SYNJ2: variants seen among roughly 807,000 people sequenced by gnomAD.
SYNJ2 encodes polyphosphatidylinositol phosphatase SYNJ2.
A neutral mutation model predicts 141.3 loss-of-function variants in SYNJ2; 116 were observed. The ratio of observed to expected loss-of-function variants is 0.82; its 90% CI spans 0.71 to 0.96. The LOEUF (loss-of-function observed/expected upper bound fraction) is 0.96. SYNJ2 is among the 40% of genes least tolerant of loss of function. SYNJ2 has a pLI of 0.00. For missense variants in SYNJ2, 1,873 were observed against 1,934.8 expected (o/e 0.97, Z 0.60); for synonymous variants, 745 against 777.7 (o/e 0.96, Z 0.70).
At chr6:158,017,374 C>T in intron 2 of SYNJ2, 84 bp downstream of exon 2, 4 of 1,341,408 alleles carry the variant, frequency 3.0e-6, no homozygotes. Flanking sequence ...TCAGTGCAGG[C>T]ATTCTGTTTG....
intron 1 of SYNJ2, among the ~76,000 whole-genome samples, chr6:157,990,337 TC>T (rs1777374889): frequency 6.6e-6 from 1 of 152,072 alleles, no homozygotes; most frequent in South Asian, 2.1e-4. Context: ...TGCCTTCTTC[TC>T]CTTCTCCTTG....
intron 1 of SYNJ2, among the ~76,000 whole-genome samples, chr6:158,014,887 G>T (rs1286882078): frequency 6.6e-6 from 1 of 152,226 alleles, no homozygotes; most frequent in East Asian, 1.9e-4. Context: ...GAGCTTCAGA[G>T]GGGAGGATGG....
intron 25 of SYNJ2, among the ~76,000 whole-genome samples, chr6:158,090,542 G>GTTTTTTT (rs58356198): frequency 1.1e-4 from 13 of 113,916 alleles, no homozygotes; most frequent in Admixed American, 2.1e-4. Flanking sequence ...TTTTTTTTTT[G>GTTTTTTT]TTTTTTTTTT....
At chr6:158,091,930 A>G (rs1319968813) in intron 25 of SYNJ2, among the ~76,000 whole-genome samples, 1 of 152,018 alleles carries the variant, frequency 6.6e-6, no homozygotes, top group Non-Finnish European at 1.5e-5. Flanking sequence ...CTTTCCAGGG[A>G]CTGGAAGGAG....
At position 158,084,032 on chromosome 6, in the gene SYNJ2, G is replaced by C. The variant is rs1171052865; in HGVS notation, c.3066G>C (p.Leu1022Phe). 1 of 1,614,092 alleles carries C rather than the reference G, an allele frequency of 6.2e-7. No individual in the cohort carries two copies. The highest frequency in any genetic ancestry group is 1.1e-5 in the South Asian group (1 of 91,070). ...TTCTTGAAGACGATGAAGACTACTT[G>C]GTGGATGAATTCAATCAGCCTGGAG... is the stretch of plus-strand genomic sequence containing the variant. The part of the protein sequence containing the change: ...GDILEDDEDY[L>F]VDEFNQPGVS... Residue 1022 changes from leucine (L) to phenylalanine (F), a missense_variant, in exon 22 of 27, where the codon TTG becomes TTC. Physicochemically the swap from Leu to Phe is conservative, Grantham distance 22. Transcript: ENST00000355585. This position sits in a 1 kb window ranked among gnomAD's most constrained non-coding sequence, Gnocchi z 5.0.
chr6:157,991,648 T>TCACC (rs1562309682), intron 1 of SYNJ2, among the ~76,000 whole-genome samples: 1 of 152,040 alleles, frequency 6.6e-6, no homozygotes, highest in African/African-American at 2.4e-5. Flanking sequence ...AACATGTCAC[T>TCACC]GTCACCATCG....
chr6:158,050,238 G>C (rs145608225), intron 5 of SYNJ2, among the ~76,000 whole-genome samples: 1 of 152,250 alleles, frequency 6.6e-6, no homozygotes, highest in Non-Finnish European at 1.5e-5. Flanking sequence ...GAATCTCCTG[G>C]AGGGCTTGTT....
intron 2 of SYNJ2, 120 bp from the exon 3 acceptor site, chr6:158,028,630 AAGTTGC>A: frequency 8.0e-7 from 1 of 1,252,834 alleles, no homozygotes; most frequent in South Asian, 1.4e-5. Context: ...ATGCCATGGG[AAGTTGC>A]AGGTGCACAG....
In SYNJ2 at chr6:158,081,105, G is replaced by A. The variant is rs2256014; in HGVS notation, c.2568-4G>A. ...CTGTCATCCCTCTTTTGTTCCTAACGCAGACCTGTGCTGGCGATCGTGGAG... is the reference window on the plus strand; with the variant it reads ...CTGTCATCCCTCTTTTGTTCCTAACACAGACCTGTGCTGGCGATCGTGGAG... On this transcript the variant is annotated splice_region_variant and splice_polypyrimidine_tract_variant and intron_variant, in intron 18 of 26. Transcript: ENST00000355585. 5.6e-6 allele frequency: 9 copies of A among 1,613,110 alleles called. No individual in the cohort carries two copies. The highest frequency in any genetic ancestry group is 2.2e-5 in the East Asian group (1 of 44,854).
At chr6:158,046,704 A>G (rs913997560) in intron 5 of SYNJ2, among the ~76,000 whole-genome samples, 10 of 152,174 alleles carry the variant, frequency 6.6e-5, no homozygotes, top group African/African-American at 2.4e-4. Flanking sequence ...TCCTGACTCC[A>G]TTTCTAGCAG....
At chr6:158,063,353 A>G (rs556768980) in intron 8 of SYNJ2, among the ~76,000 whole-genome samples, 3 of 152,174 alleles carry the variant, frequency 2.0e-5, no homozygotes, top group Admixed American at 6.5e-5. Flanking sequence ...CTGGGGGGCT[A>G]TTGATGAGGA....
intron 4 of SYNJ2, among the ~76,000 whole-genome samples, chr6:158,041,208 G>A (rs2128343058): frequency 6.6e-6 from 1 of 152,278 alleles, no homozygotes; most frequent in Admixed American, 6.5e-5. Flanking sequence ...GCAAATGGGG[G>A]TTTGCAAAGT....
At chr6:158,057,274 C>T (rs952640984) in intron 6 of SYNJ2, among the ~76,000 whole-genome samples, 1 of 152,156 alleles carries the variant, frequency 6.6e-6, no homozygotes, top group South Asian at 2.1e-4. Flanking sequence ...GGAAGAAGCC[C>T]GTATGATGCC....
At chr6:158,092,899 C>T (rs1451879390) in intron 25 of SYNJ2, 27 bp from the exon 26 acceptor site, 1 of 1,565,396 alleles carries the variant, frequency 6.4e-7, no homozygotes, top group East Asian at 2.3e-5. Context: ...GTCCTTTACA[C>T]TTCAGCCATG....
intron 2 of SYNJ2, among the ~76,000 whole-genome samples, chr6:158,021,740 C>A (rs1778782249): frequency 6.6e-6 from 1 of 152,156 alleles, no homozygotes. Flanking sequence ...GAGTTTGAAC[C>A]CTTAGTCTTT....
At chr6:158,093,988 A>T in intron 26 of SYNJ2, 2 of 765,208 alleles carry the variant, frequency 2.6e-6, no homozygotes, top group Non-Finnish European at 4.8e-6. Context: ...GCATCTGTAG[A>T]CACATCTGGA....
chr6:158,028,213 T>G, intron 2 of SYNJ2: 1 of 156,180 alleles, frequency 6.4e-6, no homozygotes, highest in Admixed American at 6.1e-5. Context: ...CTGCAGGGAG[T>G]GGGAGCTGTG....
rs766787496 is a variant in SYNJ2 at position 158,094,037 on chromosome 6, G to A, written c.3744+933G>A. ...CTCAGTGTTCTAGTAACGGACCCTC[G>A]GTAATCCCTTCCTGGTCATCACAGC... On this transcript the variant is annotated intron_variant, in intron 26 of 26. Coordinates refer to ENST00000355585, the MANE Select transcript of SYNJ2 (RefSeq NM_003898.4). The A allele has an allele frequency of 5.9e-5, 45 of 763,124 alleles. 1 individual carries two copies. The highest frequency in any genetic ancestry group is 4.5e-4 in the Middle Eastern group (2 of 4,438). The allele number at this position is 763,124 out of a possible 1,614,324, so 47.3% of individuals were successfully genotyped here.
rs1451320899 is a variant in SYNJ2 at position 158,084,277 on chromosome 6, GCAGGTC to G, written c.3208+105_3208+110del. 7.4e-7 allele frequency: 1 copy of G among 1,351,170 alleles called. No individual in the cohort carries two copies. Among genetic ancestry groups the G allele is most frequent in the Non-Finnish European group, 1.0e-6 (1 of 988,596 alleles). The allele number at this position is 1,351,170 out of a possible 1,614,324, so 83.7% of individuals were successfully genotyped here. A position where few individuals can be genotyped will look rare whatever the true frequency, so the allele number is the denominator to read the frequency against. ...TTGGGCACTGTGTGATATCAAGTATGCAGGTCCCAGGAGAGACCTCAACCAGGCAGG... is the reference window on the plus strand; with the variant it reads ...TTGGGCACTGTGTGATATCAAGTATGCCAGGAGAGACCTCAACCAGGCAGG... On this transcript the variant is annotated intron_variant, in intron 22 of 26. Coordinates refer to ENST00000355585, the MANE Select transcript of SYNJ2 (RefSeq NM_003898.4). This position sits in a 1 kb window ranked among gnomAD's most constrained non-coding sequence, Gnocchi z 5.0.
Sources: allele counts gnomAD v4.1 joint callset (sites outside exome capture counted in the v4.1 genomes callset), GRCh38; gene constraint gnomAD v4.1.1; non-coding constraint Gnocchi (gnomAD v3.1); transcripts MANE v1.5; gene names NCBI Gene and HGNC (gene_info 2026-07-23, HGNC 2026-07-21).